The following SLC2A13 variants were observed in gnomAD, a reference collection of about 807,000 sequenced individuals.
SLC2A13 encodes the protein proton myo-inositol cotransporter.
A neutral mutation model predicts 64.4 loss-of-function variants in SLC2A13; 32 were observed. That is an observed-to-expected ratio of 0.50 (90% CI 0.37 to 0.67). The LOEUF (loss-of-function observed/expected upper bound fraction) is 0.67. Among genes scored for constraint, SLC2A13 ranks in the 30% least tolerant of loss-of-function variants. SLC2A13 has a pLI of 0.00. For missense variants in SLC2A13, 743 were observed against 829.2 expected, an observed-to-expected ratio of 0.90 and a Z score of 1.28; for synonymous variants, 338 against 327.1, an observed-to-expected ratio of 1.03 and a Z score of -0.36.
At chr12:40,098,025 ATGTATG>A (rs1319175940) in intron 1 of SLC2A13, among the ~76,000 whole-genome samples, 54 of 144,026 alleles carry the variant, frequency 3.7e-4, no homozygotes, top group South Asian at 1.1e-3. Flanking sequence ...ATATGTGTAT[ATGTATG>A]TATATATGTA....
At chr12:39,806,868 C>T (rs1476709952) in intron 7 of SLC2A13, among the ~76,000 whole-genome samples, 1 of 152,076 alleles carries the variant, frequency 6.6e-6, no homozygotes, top group Non-Finnish European at 1.5e-5. Flanking sequence ...CTGATATATT[C>T]ATACTATACA....
intron 4 of SLC2A13, among the ~76,000 whole-genome samples, chr12:39,896,573 T>C (rs1318439987): frequency 4.4e-5 from 5 of 114,898 alleles, no homozygotes; most frequent in Admixed American, 1.7e-4. Flanking sequence ...TATATGTATG[T>C]ATGTGTGTAT....
At chr12:39,923,583 T>A (rs1945654861) in intron 4 of SLC2A13, among the ~76,000 whole-genome samples, 1 of 151,900 alleles carries the variant, frequency 6.6e-6, no homozygotes, top group Non-Finnish European at 1.5e-5. Context: ...AGAGTGGTGA[T>A]GATTGCACAA....
At chr12:39,911,798 G>A (rs1264905314) in intron 4 of SLC2A13, among the ~76,000 whole-genome samples, 2 of 152,018 alleles carry the variant, frequency 1.3e-5, no homozygotes, top group Non-Finnish European at 2.9e-5. Flanking sequence ...AGCCAAAGAC[G>A]GTGGGGGTAT....
chr12:39,995,279 G>T (rs1053317977), intron 3 of SLC2A13, among the ~76,000 whole-genome samples: 1 of 152,162 alleles, frequency 6.6e-6, no homozygotes, highest in African/African-American at 2.4e-5. Context: ...TCATTTGTTT[G>T]TGTTGGGTAC....
At chr12:39,821,972 GGTTA>G (rs1173913481) in intron 7 of SLC2A13, among the ~76,000 whole-genome samples, 3 of 151,936 alleles carry the variant, frequency 2.0e-5, no homozygotes, top group Non-Finnish European at 2.9e-5. Context: ...ACAATGTGCA[GGTTA>G]GTTACATATG....
At chr12:39,861,435 T>A (rs542155936) in intron 6 of SLC2A13, among the ~76,000 whole-genome samples, 1 of 152,322 alleles carries the variant, frequency 6.6e-6, no homozygotes, top group Admixed American at 6.5e-5. Flanking sequence ...AACTGTATGC[T>A]TTAGGAAATA....
intron 1 of SLC2A13, among the ~76,000 whole-genome samples, chr12:40,081,739 A>AAGATG (rs1405682273): frequency 7.9e-5 from 12 of 152,234 alleles, no homozygotes; most frequent in Non-Finnish European, 1.3e-4. Context: ...ATTTGGAGGT[A>AAGATG]AGATGACACT....
Position 39,886,345 on chromosome 12 carries a change from A to G in SLC2A13, c.1035-14384T>C, listed in dbSNP as rs111980342. ...CTATAATTACACTTGGTTCATTTCA[A>G]TGCATACATGCAGCACTAAAACATG... is the stretch of plus-strand genomic sequence containing the variant. On this transcript the variant is annotated intron_variant, in intron 4 of 9. Coordinates refer to ENST00000280871, the MANE Select transcript of SLC2A13 (RefSeq NM_052885.4). 2.1e-3 allele frequency among the ~76,000 whole-genome samples: 325 copies of G among 152,286 alleles called. 1 individual carries two copies. Among genetic ancestry groups the G allele is most frequent in the African/African-American group, 7.0e-3 (289 of 41,564 alleles).
rs1430040053 is a variant in SLC2A13 at position 39,764,474 on chromosome 12, T to C, written c.1706A>G (p.Tyr569Cys). Reference protein sequence around the residue: ...VSLTFLHTAEYLTYYGAFFLY... With the variant: ...VSLTFLHTAECLTYYGAFFLY... The stretch of plus-strand genomic sequence containing the variant: ...TATTATCTTACCATAGTATGTAAGA[T>C]ACTCTGCTGTGTGTAAAAATGTTAG... Residue 569 changes from tyrosine to cysteine, a missense_variant, in exon 9 of 10, where the codon TAT becomes TGT. Transcript: ENST00000280871. The C allele has an allele frequency of 1.9e-6, 3 of 1,588,586 alleles. No individual in the cohort carries two copies. Among genetic ancestry groups the C allele is most frequent in the Admixed American group, 3.8e-5 (2 of 52,050 alleles).
At chr12:40,008,939 T>G (rs1030306495) in intron 3 of SLC2A13, among the ~76,000 whole-genome samples, 17 of 152,258 alleles carry the variant, frequency 1.1e-4, no homozygotes, top group African/African-American at 3.9e-4. Flanking sequence ...AAAGAACACA[T>G]AAACAGAATG....
At chr12:39,993,105 G>A (rs977773228) in intron 3 of SLC2A13, among the ~76,000 whole-genome samples, 2 of 152,034 alleles carry the variant, frequency 1.3e-5, no homozygotes, top group African/African-American at 4.8e-5. Context: ...CAATTCTAAA[G>A]TACTTATGCA....
intron 3 of SLC2A13, among the ~76,000 whole-genome samples, chr12:40,011,580 A>T (rs1947533149): frequency 6.6e-6 from 1 of 152,200 alleles, no homozygotes; most frequent in Non-Finnish European, 1.5e-5. Flanking sequence ...AAACATGCAT[A>T]AATGATCCTG....
intron 3 of SLC2A13, among the ~76,000 whole-genome samples, chr12:39,984,943 A>T (rs1282636228): frequency 6.6e-6 from 1 of 152,166 alleles, no homozygotes; most frequent in Non-Finnish European, 1.5e-5. Context: ...ATCACCAAGA[A>T]GGAAGAATCT....
At chr12:40,062,222 A>G (rs1948434817) in intron 1 of SLC2A13, among the ~76,000 whole-genome samples, 1 of 152,140 alleles carries the variant, frequency 6.6e-6, no homozygotes, top group Non-Finnish European at 1.5e-5. Context: ...AAGAGATCAG[A>G]TAGGTGGTCT....
intron 7 of SLC2A13, among the ~76,000 whole-genome samples, chr12:39,789,268 C>A (rs2135758217): frequency 6.6e-6 from 1 of 151,834 alleles, no homozygotes; most frequent in Non-Finnish European, 1.5e-5. Flanking sequence ...AAATACATAT[C>A]ACTTGGTTGT....
chr12:39,846,556 T>C (rs1276028772), intron 6 of SLC2A13, among the ~76,000 whole-genome samples: 2 of 152,144 alleles, frequency 1.3e-5, no homozygotes, highest in Non-Finnish European at 2.9e-5. Flanking sequence ...GGCTCAAGTG[T>C]TCCTCCTGCC....
chr12:39,830,537 C>T lies in SLC2A13; in HGVS notation c.1320-309G>A, dbSNP rs979523524. 4.8e-6 allele frequency: 5 copies of T among 1,036,796 alleles called. No individual in the cohort carries two copies. In the Admixed American group the frequency reaches 2.4e-4, roughly 50 times the overall value. The allele number at this position is 1,036,796 out of a possible 1,614,324, so 64.2% of individuals were successfully genotyped here. Reference sequence around the variant, plus strand: ...GCAAATAAACTTTTGCTTTCCTAAACCACTGAGATTTGTTACCAAACTGTA... The same window carrying T: ...GCAAATAAACTTTTGCTTTCCTAAATCACTGAGATTTGTTACCAAACTGTA... On this transcript the variant is annotated intron_variant, in intron 6 of 9. Transcript: ENST00000280871.
chr12:40,003,764 TA>T (rs1409777064), intron 3 of SLC2A13, among the ~76,000 whole-genome samples: 1 of 152,044 alleles, frequency 6.6e-6, no homozygotes, highest in Non-Finnish European at 1.5e-5. Flanking sequence ...TCTCATATAA[TA>T]CCACACACAA....
Sources: gnomAD v4.1 joint callset for allele counts (sites outside exome capture counted in the v4.1 genomes callset) on GRCh38, gnomAD v4.1.1 for gene constraint, MANE v1.5 for transcripts, NCBI Gene and HGNC (gene_info 2026-07-23, HGNC 2026-07-21) for gene names.